Variants in NLRC3 observed in about 807,000 individuals in gnomAD.
NLRC3 encodes NLR family CARD domain-containing protein 3.
In NLRC3, 87 loss-of-function variants were observed where a neutral mutation model predicts 91.6. The ratio of observed to expected loss-of-function variants is 0.95; its 90% confidence interval spans 0.80 to 1.14. NLRC3 has a LOEUF of 1.14. Among genes scored for constraint, NLRC3 ranks in the 50% most tolerant of loss-of-function variants. The probability of loss-of-function intolerance (pLI) is 0.00; values close to 1 mark genes in which losing one functional copy is unlikely to be tolerated. For synonymous variants in NLRC3, 694 were observed against 625.3 expected (o/e 1.11, Z -1.64); for missense variants, 1,577 against 1,418.6 (o/e 1.11, Z -1.79).
In NLRC3 at chr16:3,564,896, A is replaced by T. The variant is rs774846514; in HGVS notation, c.141T>A (p.Asp47Glu). The T allele has an allele frequency of 1.9e-6, 3 of 1,610,020 alleles. No homozygotes were observed. Among genetic ancestry groups the T allele is most frequent in the Non-Finnish European group, 1.7e-6 (2 of 1,179,672 alleles). The change falls in exon 4 of 20, where the codon GAT (aspartate) becomes GAA (glutamate). Residue 47 changes from aspartate (D) to glutamate (E), a missense_variant. Physicochemically the swap from Asp to Glu is conservative, Grantham distance 45. Transcript: ENST00000359128. The surrounding 1 kb of genome is among the most constrained non-coding windows in gnomAD (Gnocchi z 5.9). ...SQGSQAPQAL[D>E]RTPDAPLGPC... ...GCCCCAGCGGGGCATCCGGTGTCCT[A>T]TCCAGGGCCTGCGGGGCCTGGGAGC... is the stretch of plus-strand genomic sequence containing the variant.
At chr16:3,557,777 A>C in intron 6 of NLRC3, 101 bp from the exon 7 acceptor site, 1 of 742,862 alleles carries the variant, frequency 1.3e-6, no homozygotes, top group East Asian at 2.7e-5. Context: ...GCTCCCCCAC[A>C]TCATCAGGGT....
chr16:3,567,982 C>T (rs2039949925), intron 1 of NLRC3, among the ~76,000 whole-genome samples: 1 of 151,584 alleles, frequency 6.6e-6, no homozygotes, highest in South Asian at 2.1e-4. Flanking sequence ...TCTCCTGCCT[C>T]AGCCTCCCAA....
chr16:3,556,192 G>C (rs940011129), intron 8 of NLRC3, among the ~76,000 whole-genome samples: 4 of 150,120 alleles, frequency 2.7e-5, no homozygotes, highest in African/African-American at 7.3e-5. Flanking sequence ...TTAGCCAGGC[G>C]TGGTGGCAGG....
chr16:3,545,338 T>C (rs1350811009), intron 15 of NLRC3: 2 of 151,832 alleles, frequency 1.3e-5, no homozygotes, highest in African/African-American at 4.8e-5. Flanking sequence ...CAGGGTTCTC[T>C]GTCTCTACTA....
intron 1 of NLRC3, among the ~76,000 whole-genome samples, chr16:3,568,109 C>T (rs2039954939): frequency 6.6e-6 from 1 of 152,078 alleles, no homozygotes; most frequent in East Asian, 1.9e-4. Context: ...TGTGATCTGC[C>T]CACCTCAGCC....
chr16:3,564,804 G>A lies in NLRC3; in HGVS notation c.179-46C>T, dbSNP rs2039801668. The A allele has an allele frequency of 1.9e-6, 3 of 1,569,056 alleles. No individual in the cohort carries two copies. The highest frequency in any genetic ancestry group is 2.3e-5 in the East Asian group (1 of 44,286). On this transcript the variant is annotated intron_variant, in intron 4 of 19. Coordinates refer to ENST00000359128, the MANE Select transcript of NLRC3 (RefSeq NM_178844.4). The surrounding 1 kb of genome is among the most constrained non-coding windows in gnomAD (Gnocchi z 5.9). ...GGGAGGTCTGGTAAGGGAAGAGTGGGCACAATCAGCCCAGGTGTTCCCCAC... is the reference window on the plus strand; with the variant it reads ...GGGAGGTCTGGTAAGGGAAGAGTGGACACAATCAGCCCAGGTGTTCCCCAC...
At chr16:3,567,542 G>A (rs948504951) in intron 1 of NLRC3, among the ~76,000 whole-genome samples, 1 of 152,050 alleles carries the variant, frequency 6.6e-6, no homozygotes, top group Non-Finnish European at 1.5e-5. Flanking sequence ...GGGAGGCTGA[G>A]GCAGGCGGAT....
chr16:3,576,494 T>G (rs2040300283), intron 1 of NLRC3, among the ~76,000 whole-genome samples: 1 of 152,136 alleles, frequency 6.6e-6, no homozygotes, highest in Non-Finnish European at 1.5e-5. Flanking sequence ...GGTGCCCAGG[T>G]CTGCCGATTC....
intron 6 of NLRC3, among the ~76,000 whole-genome samples, chr16:3,560,811 C>G (rs928030416): frequency 3.5e-4 from 53 of 151,792 alleles, no homozygotes; most frequent in African/African-American, 1.1e-3. Flanking sequence ...AGGCGCCCAC[C>G]ACCACGCCCG....
chr16:3,543,195 G>C (rs529827287), intron 17 of NLRC3: 122 of 529,044 alleles, frequency 2.3e-4, no homozygotes, highest in African/African-American at 2.1e-3. Flanking sequence ...CCATAAACCA[G>C]GCCTCTAGAC....
intron 1 of NLRC3, among the ~76,000 whole-genome samples, chr16:3,571,034 A>G (rs1051890002): frequency 3.3e-5 from 5 of 152,206 alleles, no homozygotes; most frequent in African/African-American, 1.2e-4. Context: ...AAGAATAGAT[A>G]CATAAGTCAA....
intron 1 of NLRC3, among the ~76,000 whole-genome samples, chr16:3,574,201 G>T (rs2040201153): frequency 6.6e-6 from 1 of 151,650 alleles, no homozygotes. Flanking sequence ...TTTTTGTAGA[G>T]ACAGGGTTTC....
rs2038395443 is a variant in NLRC3, at chr16:3,541,589, C to T, written c.*236G>A. Reference sequence around the variant, plus strand: ...GCCCCTAGTCCCTTGGGGGTGGCCCCTCCCTTCTCTGTGCCATAACAGAGT... The same window carrying T: ...GCCCCTAGTCCCTTGGGGGTGGCCCTTCCCTTCTCTGTGCCATAACAGAGT... On this transcript the variant is annotated 3_prime_UTR_variant, in exon 20 of 20. Transcript: ENST00000359128. 1.8e-6 allele frequency: 1 copy of T among 547,004 alleles called. No individual in the cohort carries two copies. The highest frequency in any genetic ancestry group is 1.9e-5 in the African/African-American group (1 of 52,832). The allele number at this position is 547,004 out of a possible 1,614,324, so 33.9% of individuals were successfully genotyped here.
chr16:3,554,133 C>T, intron 9 of NLRC3, 109 bp downstream of exon 9: 1 of 795,894 alleles, frequency 1.3e-6, no homozygotes. Context: ...GGTCAGAAGG[C>T]CTCAGGTCCT....
rs201854363 is a variant in NLRC3 at position 3,564,539 on chromosome 16, C to T, written c.398G>A (p.Arg133Gln). 1,292 of 1,612,024 alleles carry T rather than the reference C, an allele frequency of 8.0e-4. No individual in the cohort carries two copies. The highest frequency in any genetic ancestry group is 1.0e-3 in the Non-Finnish European group (1,192 of 1,179,618). The change falls in exon 5 of 20, where the codon CGG becomes CAG. Residue 133 changes from arginine to glutamine, a missense_variant. By Grantham distance (43) the Arg-to-Gln change is conservative. Transcript: ENST00000359128. This position sits in a 1 kb window ranked among gnomAD's most constrained non-coding sequence, Gnocchi z 5.9. ...ALDRLFLPLS[R>Q]VSVPPRVSIT... ...GGAGACCCGGGGTGGGACAGACACC[C>T]GGGAGAGAGGCAGGAAGAGCCGGTC...
At chr16:3,557,034 C>T in intron 7 of NLRC3, 40 bp from the exon 8 acceptor site, 1 of 1,396,264 alleles carries the variant, frequency 7.2e-7, no homozygotes, top group Non-Finnish European at 1.0e-6. Context: ...TCATCTGTCT[C>T]CCAGAGAGGG....
In NLRC3 at chr16:3,556,928, G is replaced by A. The variant is rs769534211; in HGVS notation, c.2166C>T (p.Arg722=). The A allele has an allele frequency of 5.5e-5, 88 of 1,613,026 alleles. No individual in the cohort carries two copies. Among genetic ancestry groups the A allele is most frequent in the Non-Finnish European group, 6.8e-5 (80 of 1,179,374 alleles). The change falls in exon 8 of 20, where the codon CGC becomes CGT. Residue 722 remains arginine, a synonymous_variant. Coordinates refer to ENST00000359128, the MANE Select transcript of NLRC3 (RefSeq NM_178844.4). ...KALADALKIN[R]TLTSLSLQGN... ...ACACACACCTCAGGGAGGTCAGGGT[G>A]CGGTTGATCTTCAAAGCGTCTGCCA...
intron 17 of NLRC3, 167 bp from the exon 18 acceptor site, chr16:3,542,942 C>A: frequency 1.7e-6 from 1 of 589,530 alleles, no homozygotes; most frequent in Non-Finnish European, 3.0e-6. Context: ...GCAGAGCTGG[C>A]TCTGGGAAGC....
chr16:3,557,194 G>A (rs903239701), intron 7 of NLRC3, among the ~76,000 whole-genome samples, 200 bp from the exon 8 acceptor site: 4 of 152,192 alleles, frequency 2.6e-5, no homozygotes, highest in Non-Finnish European at 4.4e-5. Flanking sequence ...AGGTGTTGGG[G>A]GAAAGAAAGC....
Sources: allele counts gnomAD v4.1 joint callset (sites outside exome capture counted in the v4.1 genomes callset), GRCh38; gene constraint gnomAD v4.1.1; non-coding constraint Gnocchi (gnomAD v3.1); transcripts MANE v1.5; gene names NCBI Gene and HGNC (gene_info 2026-07-23, HGNC 2026-07-21).